HERC1: variants seen among roughly 807,000 people sequenced by gnomAD.
HERC1 encodes the protein HECT and RLD domain containing E3 ubiquitin protein ligase family member 1, also known as probable E3 ubiquitin-protein ligase HERC1.
A neutral mutation model predicts 554.3 loss-of-function variants in HERC1; 160 were observed. The observed-to-expected ratio is 0.29, with a 90% CI of 0.25 to 0.33. The LOEUF is 0.33. Among genes scored for constraint, HERC1 ranks in the 10% least tolerant of loss-of-function variants. The pLI, the probability that HERC1 is intolerant of heterozygous loss-of-function variation, is 1.00. For missense variants in HERC1, 4,919 were observed against 5,918.5 expected, an observed-to-expected ratio of 0.83 and a Z score of 5.54; for synonymous variants, 2,175 against 2,131.7, an observed-to-expected ratio of 1.02 and a Z score of -0.56.
At chr15:63,617,378 A>T (rs8023851) in intron 74 of HERC1, among the ~76,000 whole-genome samples, 19,363 of 152,162 alleles carry the variant, frequency 0.13, 1,352 homozygotes, top group Middle Eastern at 0.17. Flanking sequence ...ATGGTGTATA[A>T]GTGCCACATT....
intron 45 of HERC1, among the ~76,000 whole-genome samples, chr15:63,661,322 G>A (rs1356399769): frequency 6.6e-6 from 1 of 152,054 alleles, no homozygotes; most frequent in East Asian, 1.9e-4. Flanking sequence ...TGACAATTAA[G>A]GGCAACAAAC....
chr15:63,726,033 G>A (rs1567056906), intron 17 of HERC1, among the ~76,000 whole-genome samples: 1 of 152,142 alleles, frequency 6.6e-6, no homozygotes, highest in Non-Finnish European at 1.5e-5. Context: ...TCAGGCTGGA[G>A]TGCAGTGGCA....
intron 17 of HERC1, among the ~76,000 whole-genome samples, chr15:63,726,939 C>T (rs918867757): frequency 6.6e-6 from 1 of 152,108 alleles, no homozygotes; most frequent in Non-Finnish European, 1.5e-5. Flanking sequence ...TGACACCTTA[C>T]TCACCTGATA....
intron 1 of HERC1, among the ~76,000 whole-genome samples, chr15:63,789,993 A>C (rs182101951): frequency 2.0e-5 from 3 of 152,206 alleles, no homozygotes; most frequent in East Asian, 3.9e-4. Flanking sequence ...AACCCCAAAA[A>C]GTCTGTCAGA....
chr15:63,643,764 A>C (rs1253149348), intron 57 of HERC1, among the ~76,000 whole-genome samples: 1 of 152,208 alleles, frequency 6.6e-6, no homozygotes, highest in African/African-American at 2.4e-5. Flanking sequence ...TAAAAAATAT[A>C]TTTCTAAACT....
At chr15:63,730,687 T>A (rs1413513910) in intron 14 of HERC1, among the ~76,000 whole-genome samples, 1 of 152,188 alleles carries the variant, frequency 6.6e-6, no homozygotes, top group Admixed American at 6.5e-5. Context: ...ATGTCCTGGT[T>A]TTTTAAAAAT....
intron 76 of HERC1, among the ~76,000 whole-genome samples, chr15:63,613,747 C>A (rs1020263544): frequency 2.0e-5 from 3 of 152,024 alleles, no homozygotes; most frequent in Non-Finnish European, 4.4e-5. Flanking sequence ...GGCAGGAGAT[C>A]CCTTGAGCCC....
intron 1 of HERC1, among the ~76,000 whole-genome samples, chr15:63,783,289 C>T (rs1184193267): frequency 6.6e-6 from 1 of 152,140 alleles, no homozygotes; most frequent in Non-Finnish European, 1.5e-5. Flanking sequence ...AAAGTAATCC[C>T]AACCTTTCAG....
chr15:63,805,705 T>C (rs780171868), intron 1 of HERC1, among the ~76,000 whole-genome samples: 2 of 152,132 alleles, frequency 1.3e-5, no homozygotes, highest in Non-Finnish European at 2.9e-5. Context: ...CCAGCACTTT[T>C]GGAGGCTGAG....
At chr15:63,635,247 C>CTATGTTG (rs1305380376) in intron 65 of HERC1, among the ~76,000 whole-genome samples, 9 of 152,168 alleles carry the variant, frequency 5.9e-5, no homozygotes, top group South Asian at 2.1e-4. Flanking sequence ...CAGGGTCTTG[C>CTATGTTG]TATGTTGTCT....
chr15:63,613,228 T>G (rs1216161247), intron 76 of HERC1, among the ~76,000 whole-genome samples: 3 of 152,244 alleles, frequency 2.0e-5, no homozygotes, highest in Non-Finnish European at 4.4e-5. Flanking sequence ...CATGTGGCTC[T>G]GATGAGAACT....
At chr15:63,766,417 GT>G (rs2075779551) in intron 2 of HERC1, among the ~76,000 whole-genome samples, 1 of 151,942 alleles carries the variant, frequency 6.6e-6, no homozygotes, top group Non-Finnish European at 1.5e-5. Flanking sequence ...GTAAAACCTT[GT>G]CTCTACTAAA....
intron 1 of HERC1, among the ~76,000 whole-genome samples, chr15:63,815,226 T>C (rs532851685): frequency 6.6e-5 from 10 of 152,326 alleles, no homozygotes; most frequent in African/African-American, 2.4e-4. Context: ...AAAAAGACTT[T>C]AAATCCCCTC....
intron 1 of HERC1, among the ~76,000 whole-genome samples, chr15:63,827,315 G>C (rs2077975484): frequency 6.6e-6 from 1 of 152,094 alleles, no homozygotes; most frequent in Non-Finnish European, 1.5e-5. Flanking sequence ...CCAGCTACTT[G>C]GGTGGCTGAT....
At chr15:63,615,984 A>C in intron 75 of HERC1, 64 bp from the exon 76 acceptor site, 1 of 1,337,212 alleles carries the variant, frequency 7.5e-7, no homozygotes, top group Non-Finnish European at 1.0e-6. Context: ...AGTATTTTAC[A>C]TACAAATACG....
In HERC1 at chr15:63,740,306, C is replaced by T. The variant is rs990583284; in HGVS notation, c.2521-5457G>A. Reference sequence around the variant, plus strand: ...AATAATATTACATTGTATGAATATACGAAATTTTGTTCATTTGTTTATCAG... The same window carrying T: ...AATAATATTACATTGTATGAATATATGAAATTTTGTTCATTTGTTTATCAG... On this transcript the variant is annotated intron_variant, in intron 12 of 77. Coordinates refer to ENST00000443617, the MANE Select transcript of HERC1 (RefSeq NM_003922.4). Among the ~76,000 whole-genome samples, 15 of 152,110 alleles carry T rather than the reference C, an allele frequency of 9.9e-5. No individual in the cohort carries two copies. In the East Asian group the frequency reaches 1.5e-3, roughly 16 times the overall value.
intron 60 of HERC1, among the ~76,000 whole-genome samples, chr15:63,640,919 CA>C (rs753177921): frequency 5.3e-5 from 8 of 152,146 alleles, no homozygotes; most frequent in South Asian, 4.1e-4. Flanking sequence ...TGGTAGCCAT[CA>C]AAGGAAAAGC....
chr15:63,760,435 CA>C (rs34164820), intron 3 of HERC1, among the ~76,000 whole-genome samples: 28,517 of 90,700 alleles, frequency 0.31, 2,554 homozygotes, highest in African/African-American at 0.39. Context: ...AGACACCATC[CA>C]AAAAAAAAAA....
chr15:63,707,002 C>T (rs1159843314), intron 24 of HERC1, among the ~76,000 whole-genome samples, 171 bp from the exon 25 acceptor site: 2 of 152,148 alleles, frequency 1.3e-5, no homozygotes, highest in Non-Finnish European at 2.9e-5. Flanking sequence ...CTGAACATAG[C>T]TATAAGGAGG....
Sources: gnomAD v4.1 joint callset for allele counts (sites outside exome capture counted in the v4.1 genomes callset) on GRCh38, gnomAD v4.1.1 for gene constraint, MANE v1.5 for transcripts, NCBI Gene and HGNC (gene_info 2026-07-23, HGNC 2026-07-21) for gene names.